Variants in ARID1A observed in about 807,000 individuals in gnomAD.
ARID1A encodes AT-rich interaction domain 1A, also known as AT-rich interactive domain-containing protein 1A.
ARID1A carries 20 observed loss-of-function variants against 212.6 expected under a neutral mutation model. That is an observed-to-expected ratio of 0.09 (90% CI 0.07 to 0.14). ARID1A has a LOEUF of 0.14. Ranked by LOEUF, ARID1A falls within the 10% of genes least tolerant of loss-of-function variation. ARID1A has a pLI of 1.00. For synonymous variants in ARID1A, 1,376 were observed against 1,222.1 expected (o/e 1.13, Z -2.63); for missense variants, 2,587 against 3,059.0 (o/e 0.85, Z 3.64).
chr1:26,766,551 A>G lies in ARID1A; in HGVS notation c.2973A>G (p.Thr991=), dbSNP rs1232074356. 1.2e-6 allele frequency: 2 copies of G among 1,612,040 alleles called. No individual in the cohort carries two copies. The highest frequency in any genetic ancestry group is 2.7e-5 in the African/African-American group (2 of 74,890). ...MNNKADGTPK[T]ESKSKKSSSS... is the part of the protein sequence containing the mutation. The stretch of plus-strand genomic sequence containing the variant: ...ACAAGGCAGATGGGACACCCAAGAC[A>G]GAATCCAAATCCAAGGTAGTGATTT... The change falls in exon 10 of 20, where the codon ACA becomes ACG. Residue 991 remains threonine, a synonymous_variant. Transcript: ENST00000324856.
chr1:26,698,379 T>C (rs538324256), intron 1 of ARID1A, among the ~76,000 whole-genome samples: 1 of 152,350 alleles, frequency 6.6e-6, no homozygotes, highest in East Asian at 1.9e-4. Context: ...CACTCTGCTT[T>C]TCTGCCAGTG....
At chr1:26,760,426 G>A (rs1047431142) in intron 4 of ARID1A, among the ~76,000 whole-genome samples, 16 of 152,154 alleles carry the variant, frequency 1.1e-4, no homozygotes, top group African/African-American at 3.1e-4. Flanking sequence ...GGTGGCTCAC[G>A]CCTATAATCC....
At chr1:26,698,037 C>G (rs2080295510) in intron 1 of ARID1A, among the ~76,000 whole-genome samples, 1 of 152,064 alleles carries the variant, frequency 6.6e-6, no homozygotes, top group South Asian at 2.1e-4. Flanking sequence ...GAGGGGAGGG[C>G]AGGGGACTGC....
At position 26,771,375 on chromosome 1, in the gene ARID1A, C is replaced by T. The variant is rs370329681; in HGVS notation, c.3406+49C>T. On this transcript the variant is annotated intron_variant, in intron 12 of 19. Coordinates refer to ENST00000324856, the MANE Select transcript of ARID1A (RefSeq NM_006015.6). The surrounding 1 kb of genome is among the most constrained non-coding windows in gnomAD (Gnocchi z 5.4). ...ACCAAGGCTGAGAGGGCCTGTTGCC[C>T]TGGCCTCTTATTCAGGATATGAATA... The T allele has an allele frequency of 7.0e-6, 11 of 1,567,760 alleles. No individual in the cohort carries two copies. In the African/African-American group the frequency reaches 1.4e-4, roughly 19 times the overall value.
intron 1 of ARID1A, among the ~76,000 whole-genome samples, chr1:26,711,168 GTGCAATCTCAGCTCAT>G (rs1320148600): frequency 6.6e-6 from 1 of 151,856 alleles, no homozygotes; most frequent in Non-Finnish European, 1.5e-5. Context: ...GAGTGCAGTG[GTGCAATCTCAGCTCAT>G]TGCAACCTCC....
chr1:26,723,692 T>C (rs1419824200), intron 1 of ARID1A, among the ~76,000 whole-genome samples: 1 of 152,064 alleles, frequency 6.6e-6, no homozygotes, highest in Non-Finnish European at 1.5e-5. Context: ...AAAAGCCTTT[T>C]CCTGTGTTTG....
intron 4 of ARID1A, among the ~76,000 whole-genome samples, chr1:26,756,571 AAAAAAAAC>A (rs2080939009): frequency 6.6e-6 from 1 of 151,628 alleles, no homozygotes; most frequent in Non-Finnish European, 1.5e-5. Context: ...CTTTAAAAAA[AAAAAAAAC>A]AAAAAAACAC....
At chr1:26,748,935 C>G (rs2080861390) in intron 4 of ARID1A, among the ~76,000 whole-genome samples, 1 of 152,064 alleles carries the variant, frequency 6.6e-6, no homozygotes, top group Admixed American at 6.5e-5. Context: ...GAGGCCGAGG[C>G]AGGCAGATCA....
Position 26,781,866 on chromosome 1 carries a change from T to A in ARID1A, c.*1110T>A, listed in dbSNP as rs1174480077. 4.3e-6 allele frequency: 1 copy of A among 233,620 alleles called. No individual in the cohort carries two copies. Among genetic ancestry groups the A allele is most frequent in the East Asian group, 6.0e-5 (1 of 16,596 alleles). The allele number at this position is 233,620 out of a possible 1,614,324, so 14.5% of individuals were successfully genotyped here. ...TCTGGGTTTTTGTTTTGTTTTGTTT[T>A]CTTTCTAATCGAGGTGTGAAAAAGT... On this transcript the variant is annotated 3_prime_UTR_variant, in exon 20 of 20. Coordinates refer to ENST00000324856, the MANE Select transcript of ARID1A (RefSeq NM_006015.6).
intron 4 of ARID1A, among the ~76,000 whole-genome samples, chr1:26,749,548 C>A (rs1165471746): frequency 6.6e-6 from 1 of 152,192 alleles, no homozygotes; most frequent in Admixed American, 6.5e-5. Flanking sequence ...GGAATGCAAG[C>A]AGCCCAGCAG....
In ARID1A at chr1:26,779,795, C is replaced by T. The variant is rs1388347924; in HGVS notation, c.5897C>T (p.Pro1966Leu). ...EDEPHSKDET[P>L]LCTLLDWQDS... ...GAACCCCACAGTAAGGATGAGACCC[C>T]ACTGTGTACCCTTCTGGACTGGCAG... The change falls in exon 20 of 20, where the codon CCA becomes CTA. Residue 1966 changes from proline to leucine, a missense_variant. Transcript: ENST00000324856. 1 of 1,614,012 alleles carries T rather than the reference C, an allele frequency of 6.2e-7. No individual in the cohort carries two copies. Among genetic ancestry groups the T allele is most frequent in the Non-Finnish European group, 8.5e-7 (1 of 1,180,038 alleles).
Position 26,774,985 on chromosome 1 carries a change from C to T in ARID1A, c.4758C>T (p.Ser1586=), listed in dbSNP as rs2124122097. The change falls in exon 18 of 20, where the codon TCC becomes TCT. Residue 1586 remains serine, a synonymous_variant. Transcript: ENST00000324856. This position sits in a 1 kb window ranked among gnomAD's most constrained non-coding sequence, Gnocchi z 5.6. ...TGCAGAATCACATTCCTCAGGTATC[C>T]AGCCCTGCTCCCCTGCCCCGGCCAA... ...PSMQNHIPQV[S]SPAPLPRPME... 6.4e-7 allele frequency: 1 copy of T among 1,553,798 alleles called. No homozygotes were observed. Among genetic ancestry groups the T allele is most frequent in the Non-Finnish European group, 8.7e-7 (1 of 1,150,040 alleles).
chr1:26,763,113 C>A lies in ARID1A; in HGVS notation c.2560C>A (p.Pro854Thr), dbSNP rs369710133. Reference sequence around the variant, plus strand: ...TGGCATCCCACCTTATGGCACACTCCCTCCAGGGAGGATGAGTCACGCCTC... The same window carrying A: ...TGGCATCCCACCTTATGGCACACTCACTCCAGGGAGGATGAGTCACGCCTC... ...QPGIPPYGTL[P>T]PGRMSHASMG... Residue 854 changes from proline to threonine, a missense_variant, in exon 8 of 20, where the codon CCT becomes ACT. Around this residue, in one of 11 missense-constraint regions of ARID1A, gnomAD observed 674 missense variants for 813.4 expected, o/e 0.83. Coordinates refer to ENST00000324856, the MANE Select transcript of ARID1A (RefSeq NM_006015.6). 2.5e-6 allele frequency: 4 copies of A among 1,614,272 alleles called. No individual in the cohort carries two copies. The highest frequency in any genetic ancestry group is 1.1e-5 in the South Asian group (1 of 91,090).
rs751838009 is a variant in ARID1A, at chr1:26,780,142, C to T, written c.6244C>T (p.Leu2082=). Residue 2082 remains leucine, a synonymous_variant, in exon 20 of 20, where the codon CTG becomes TTG. Coordinates refer to ENST00000324856, the MANE Select transcript of ARID1A (RefSeq NM_006015.6). The surrounding 1 kb of genome is among the most constrained non-coding windows in gnomAD (Gnocchi z 7.2). ...ATCTCCATACCCCGAGAGCATTTGC[C>T]TGCCTGTCCTGGACGGACTCCTACA... is the stretch of plus-strand genomic sequence containing the variant. ...DLSPYPESIC[L]PVLDGLLHWA... 4.3e-6 allele frequency: 7 copies of T among 1,614,210 alleles called. No homozygotes were observed. Among genetic ancestry groups the T allele is most frequent in the Non-Finnish European group, 4.2e-6 (5 of 1,180,042 alleles).
At chr1:26,760,239 G>A (rs2080978085) in intron 4 of ARID1A, among the ~76,000 whole-genome samples, 2 of 152,228 alleles carry the variant, frequency 1.3e-5, no homozygotes, top group African/African-American at 4.8e-5. Context: ...ATAGGAGTCA[G>A]CAAAACTCAG....
rs1409724537 is a variant in ARID1A, at chr1:26,696,556, G to A, written c.153G>A (p.Lys51=). Residue 51 remains lysine, a synonymous_variant, in exon 1 of 20, where the codon AAG becomes AAA. Transcript: ENST00000324856. The part of the protein sequence containing the change: ...AAAAAERGEM[K]AAAGQESEGP... ...CAGCGGCCGAGCGCGGGGAAATGAA[G>A]GCAGCCGCCGGGCAGGAAAGCGAGG... The A allele has an allele frequency of 2.4e-6, 3 of 1,229,608 alleles. No homozygotes were observed. The highest frequency in any genetic ancestry group is 3.2e-5 in the African/African-American group (2 of 63,078). 76.2% of individuals were successfully genotyped at this position (1,229,608 alleles called of 1,614,324 possible).
chr1:26,727,843 C>T (rs879326766), intron 1 of ARID1A: 6 of 152,184 alleles, frequency 3.9e-5, no homozygotes, highest in Non-Finnish European at 8.8e-5. Flanking sequence ...AGATGAGGAC[C>T]TCAGTGTGAT....
chr1:26,729,983 C>T, intron 2 of ARID1A, 120 bp downstream of exon 2: 1 of 1,235,876 alleles, frequency 8.1e-7, no homozygotes, highest in Non-Finnish European at 1.1e-6. Flanking sequence ...GACCTGTTGG[C>T]TCAGTTAATT....
Position 26,779,982 on chromosome 1 carries a change from A to G in ARID1A, c.6084A>G (p.Pro2028=), listed in dbSNP as rs2081175957. 1 of 1,614,188 alleles carries G rather than the reference A, an allele frequency of 6.2e-7. No homozygotes were observed. The highest frequency in any genetic ancestry group is 2.2e-5 in the East Asian group (1 of 44,878). The change falls in exon 20 of 20, where the codon CCA becomes CCG. Residue 2028 remains proline (P), a synonymous_variant. Transcript: ENST00000324856. ...AGCACCCAGAACGGAAGCAGGCACC[A>G]CTAACTTATGAAAAGGAGGAGGAAC... ...HHKHPERKQA[P]LTYEKEEEQD...
Sources: gnomAD v4.1 joint callset for allele counts (sites outside exome capture counted in the v4.1 genomes callset) on GRCh38, gnomAD v4.1.1 for gene constraint, gnomAD v4.1.1 regional missense constraint, Gnocchi (gnomAD v3.1) non-coding constraint, MANE v1.5 for transcripts, NCBI Gene and HGNC (gene_info 2026-07-23, HGNC 2026-07-21) for gene names.